The following FAM13B variants were observed in gnomAD, a reference collection of about 807,000 sequenced individuals.
FAM13B encodes protein FAM13B.
FAM13B carries 60 observed loss-of-function variants against 117.3 expected under a neutral mutation model. The ratio of observed to expected loss-of-function variants is 0.51; its 90% confidence interval spans 0.42 to 0.63. FAM13B has a LOEUF of 0.63. Ranked by LOEUF, FAM13B falls within the 30% of genes least tolerant of loss-of-function variation. The pLI is 0.00. For missense variants in FAM13B, 972 were observed against 1,091.9 expected, an observed-to-expected ratio of 0.89 and a Z score of 1.55; for synonymous variants, 332 against 356.1, an observed-to-expected ratio of 0.93 and a Z score of 0.76.
intron 2 of FAM13B, among the ~76,000 whole-genome samples, chr5:138,020,503 T>C (rs1255521864): frequency 1.3e-5 from 2 of 152,220 alleles, no homozygotes; most frequent in Admixed American, 6.5e-5. Context: ...CCATTTCCAA[T>C]ATCTGACACA....
chr5:138,031,805 A>T (rs1288012101), intron 1 of FAM13B, among the ~76,000 whole-genome samples: 1 of 152,206 alleles, frequency 6.6e-6, no homozygotes, highest in Non-Finnish European at 1.5e-5. Flanking sequence ...CCAGGCCAAC[A>T]AGCATTTCAA....
At chr5:137,979,591 T>C (rs558518071) in intron 10 of FAM13B, among the ~76,000 whole-genome samples, 1 of 152,276 alleles carries the variant, frequency 6.6e-6, no homozygotes, top group Admixed American at 6.5e-5. Context: ...CCTCCCACAA[T>C]ACCCTGAGTT....
At chr5:137,960,559 TA>T (rs966739453) in intron 11 of FAM13B, among the ~76,000 whole-genome samples, 62 of 152,274 alleles carry the variant, frequency 4.1e-4, no homozygotes, top group African/African-American at 1.2e-3. Flanking sequence ...TTTTATAAAA[TA>T]AATGTTTTAA....
chr5:137,983,291 G>A (rs1265789282), intron 10 of FAM13B, among the ~76,000 whole-genome samples: 1 of 149,630 alleles, frequency 6.7e-6, no homozygotes, highest in Non-Finnish European at 1.5e-5. Flanking sequence ...ATCAAACCTT[G>A]CTGTTAGGTC....
chr5:137,945,758 T>G (rs896777920), intron 20 of FAM13B, 144 bp downstream of exon 20: 3 of 583,018 alleles, frequency 5.1e-6, no homozygotes, highest in Non-Finnish European at 8.8e-6. Context: ...TAGTTTCCTA[T>G]TTTAAAATCA....
At chr5:137,977,896 A>G (rs1774480968) in intron 10 of FAM13B, among the ~76,000 whole-genome samples, 1 of 152,220 alleles carries the variant, frequency 6.6e-6, no homozygotes, top group Non-Finnish European at 1.5e-5. Context: ...AAATATAAGG[A>G]CATATGAAGA....
At chr5:138,012,850 A>G (rs1466561036) in intron 4 of FAM13B, among the ~76,000 whole-genome samples, 2 of 152,136 alleles carry the variant, frequency 1.3e-5, no homozygotes, top group African/African-American at 4.8e-5. Flanking sequence ...TCTCTGCAAA[A>G]TAACACTAGT....
intron 1 of FAM13B, among the ~76,000 whole-genome samples, chr5:138,032,305 T>C (rs571853436): frequency 2.7e-4 from 41 of 152,304 alleles, no homozygotes; most frequent in Non-Finnish European, 3.7e-4. Flanking sequence ...TTTAAGGAAG[T>C]CCGCAACCAC....
At chr5:138,026,628 CAAAAAAAAAAAAA>C (rs56195021) in intron 1 of FAM13B, among the ~76,000 whole-genome samples, 1 of 29,438 alleles carries the variant, frequency 3.4e-5, no homozygotes, top group Non-Finnish European at 5.8e-5. Flanking sequence ...GACCGTGTCT[CAAAAAAAAAAAAA>C]AAAAAAAAAA....
intron 1 of FAM13B, among the ~76,000 whole-genome samples, chr5:138,029,139 A>T (rs1425788765): frequency 6.6e-6 from 1 of 152,226 alleles, no homozygotes; most frequent in African/African-American, 2.4e-5. Flanking sequence ...TCACTCTCCA[A>T]CTGAATCCTC....
rs571342898 is a variant in FAM13B at position 137,942,636 on chromosome 5, T to G, written c.2588+239A>C. 309 of 443,956 alleles carry G rather than the reference T, an allele frequency of 7.0e-4. 1 individual carries two copies. The highest frequency in any genetic ancestry group is 6.1e-3 in the African/African-American group (296 of 48,434). 27.5% of individuals were successfully genotyped at this position (443,956 alleles called of 1,614,324 possible). On this transcript the variant is annotated intron_variant, in intron 22 of 23. Coordinates refer to ENST00000689681, the MANE Select transcript of FAM13B (RefSeq NM_001385994.1). ...CCTCAGCTTCAAAAACTGCTGGGAT[T>G]ATAGGCATGAGCCACTGTGCCTGGC...
chr5:138,049,158 T>A (rs1167836938), intron 1 of FAM13B, among the ~76,000 whole-genome samples: 1 of 152,184 alleles, frequency 6.6e-6, no homozygotes, highest in Non-Finnish European at 1.5e-5. Flanking sequence ...GCCAGGCTGG[T>A]CTCGAACTCC....
chr5:138,011,437 G>C (rs1185980581), intron 5 of FAM13B, among the ~76,000 whole-genome samples: 1 of 148,890 alleles, frequency 6.7e-6, no homozygotes, highest in African/African-American at 2.5e-5. Flanking sequence ...TTTTTTTTAT[G>C]AGATGGAGTC....
chr5:137,962,339 C>T (rs1417190368), intron 11 of FAM13B, 66 bp downstream of exon 11: 7 of 1,394,750 alleles, frequency 5.0e-6, no homozygotes, highest in Non-Finnish European at 7.1e-6. Flanking sequence ...AAAAAAATCA[C>T]CTCAAAAATC....
chr5:137,966,825 C>A (rs1033733458), intron 10 of FAM13B, among the ~76,000 whole-genome samples: 3 of 152,088 alleles, frequency 2.0e-5, no homozygotes, highest in Non-Finnish European at 4.4e-5. Context: ...ACTTTTATTA[C>A]AAATGTATCC....
Position 137,990,991 on chromosome 5 carries a change from C to G in FAM13B, c.849-2676G>C, listed in dbSNP as rs576311280. On this transcript the variant is annotated intron_variant, in intron 7 of 23. Coordinates refer to ENST00000689681, the MANE Select transcript of FAM13B (RefSeq NM_001385994.1). Reference sequence around the variant, plus strand: ...GTGCACACACTTTGACTCAGAAAGTCTGAGACTCTATCAAAAAGGGTTTAT... The same window carrying G: ...GTGCACACACTTTGACTCAGAAAGTGTGAGACTCTATCAAAAAGGGTTTAT... Among the ~76,000 whole-genome samples the G allele has an allele frequency of 1.2e-4, 18 of 152,202 alleles. No homozygotes were observed. The East Asian group carries it at 3.1e-3, about 26-fold the overall frequency.
At chr5:137,952,003 T>C (rs1041960828) in intron 17 of FAM13B, among the ~76,000 whole-genome samples, 4 of 151,990 alleles carry the variant, frequency 2.6e-5, no homozygotes, top group African/African-American at 9.7e-5. Context: ...AAAATAAAAA[T>C]AAAAACTTTA....
intron 9 of FAM13B, 149 bp from the exon 10 acceptor site, chr5:137,985,538 C>T (rs1390907073): frequency 2.7e-6 from 2 of 752,586 alleles, no homozygotes; most frequent in Non-Finnish European, 4.1e-6. Flanking sequence ...TTTTATCTTG[C>T]TAAATTAGAT....
chr5:138,006,918 C>G (rs1782700988), intron 7 of FAM13B, 72 bp downstream of exon 7: 1 of 1,384,346 alleles, frequency 7.2e-7, no homozygotes, highest in Non-Finnish European at 9.6e-7. Context: ...GTTTGTGTTT[C>G]TGAATGCTGG....
Sources: gnomAD v4.1 joint callset for allele counts (sites outside exome capture counted in the v4.1 genomes callset) on GRCh38, gnomAD v4.1.1 for gene constraint, MANE v1.5 for transcripts, NCBI Gene and HGNC (gene_info 2026-07-23, HGNC 2026-07-21) for gene names.